THRB: variants seen among roughly 807,000 people sequenced by gnomAD.
THRB encodes the protein nuclear receptor subfamily 1 group A member 2.
In THRB, 12 loss-of-function variants were observed where a neutral mutation model predicts 47.8. The observed-to-expected ratio is 0.25, with a 90% CI of 0.16 to 0.41. The LOEUF is 0.41. Ranked by LOEUF, THRB falls within the 10% of genes least tolerant of loss-of-function variation. THRB has a pLI of 1.00. For synonymous variants in THRB, 218 were observed against 212.2 expected, an observed-to-expected ratio of 1.03 and a Z score of -0.24; for missense variants, 348 against 589.2, an observed-to-expected ratio of 0.59 and a Z score of 4.24.
At chr3:24,328,410 A>T (rs547216873) in intron 2 of THRB, among the ~76,000 whole-genome samples, 32 of 152,328 alleles carry the variant, frequency 2.1e-4, no homozygotes, top group African/African-American at 7.5e-4. Context: ...ACGCCTCCAC[A>T]TAAATGTTCC....
intron 3 of THRB, among the ~76,000 whole-genome samples, chr3:24,279,259 G>A (rs761359487): frequency 1.3e-5 from 2 of 152,084 alleles, no homozygotes; most frequent in East Asian, 1.9e-4. Flanking sequence ...TTGCCTGAGA[G>A]AAAAATAAAA....
In THRB at chr3:24,122,716, A is replaced by C. The variant is rs941296426; in HGVS notation, c.*168T>G. ...AGAACGAAATGCAATAGTTTCAAGT[A>C]CCCGCATTCAAGGGGCAATTTCATC... is the stretch of plus-strand genomic sequence containing the variant. On this transcript the variant is annotated 3_prime_UTR_variant, in exon 11 of 11. Coordinates refer to ENST00000646209, the MANE Select transcript of THRB (RefSeq NM_001354712.2). 2 of 844,454 alleles carry C rather than the reference A, an allele frequency of 2.4e-6. No individual in the cohort carries two copies. Among genetic ancestry groups the C allele is most frequent in the Admixed American group, 2.2e-5 (1 of 45,838 alleles). The allele number at this position is 844,454 out of a possible 1,614,324, so 52.3% of individuals were successfully genotyped here.
chr3:24,236,948 G>T (rs564075934), intron 3 of THRB, among the ~76,000 whole-genome samples: 2 of 152,280 alleles, frequency 1.3e-5, no homozygotes, highest in East Asian at 3.9e-4. Flanking sequence ...GAGGCAAGGT[G>T]TTTTCAAATC....
intron 3 of THRB, among the ~76,000 whole-genome samples, chr3:24,262,894 A>G (rs2052223857): frequency 6.6e-6 from 1 of 152,110 alleles, no homozygotes; most frequent in African/African-American, 2.4e-5. Flanking sequence ...AGAAACTACA[A>G]TGGTGCTGGG....
At chr3:24,291,755 A>G (rs1329476062) in intron 3 of THRB, among the ~76,000 whole-genome samples, 1 of 152,194 alleles carries the variant, frequency 6.6e-6, no homozygotes, top group Non-Finnish European at 1.5e-5. Flanking sequence ...CTTGCAAAAT[A>G]TAACTGGGGC....
rs370969740 is a variant in THRB, at chr3:24,418,914, G to A, written c.-261+75738C>T. Among the ~76,000 whole-genome samples, 4 of 151,830 alleles carry A rather than the reference G, an allele frequency of 2.6e-5. No individual in the cohort carries two copies. In the East Asian group the frequency reaches 7.8e-4, roughly 30 times the overall value. ...GTTCAGTCATCCCACAAATATTTCT[G>A]GAAAGACTACCTTAATCTAGGAATG... is the stretch of plus-strand genomic sequence containing the variant. On this transcript the variant is annotated intron_variant, in intron 1 of 10. Coordinates refer to ENST00000646209, the MANE Select transcript of THRB (RefSeq NM_001354712.2).
In THRB at chr3:24,408,399, T is replaced by C. The variant is rs374975340; in HGVS notation, c.-260-71028A>G. Among the ~76,000 whole-genome samples, 242 of 151,968 alleles carry C rather than the reference T, an allele frequency of 1.6e-3. 7 individuals carry two copies. In the South Asian group the frequency reaches 0.03, roughly 19 times the overall value. ...TCCTGCATCAGAATGAATGAAACAA[T>C]ATTGTACCATTCTGCTGTTGTGATC... On this transcript the variant is annotated intron_variant, in intron 1 of 10. Transcript: ENST00000646209.
intron 3 of THRB, among the ~76,000 whole-genome samples, chr3:24,285,438 G>C (rs1189024203): frequency 3.2e-5 from 4 of 123,790 alleles, no homozygotes; most frequent in African/African-American, 3.1e-5. Context: ...GTTGTGGGGT[G>C]GGGGGAGGGG....
intron 1 of THRB, among the ~76,000 whole-genome samples, chr3:24,414,355 T>C (rs566863559): frequency 7.9e-5 from 12 of 152,022 alleles, no homozygotes; most frequent in African/African-American, 1.9e-4. Flanking sequence ...CCAAAGTTAA[T>C]GGTAAGAACG....
intron 2 of THRB, among the ~76,000 whole-genome samples, chr3:24,332,065 C>T (rs1364839214): frequency 1.3e-5 from 2 of 152,164 alleles, no homozygotes; most frequent in African/African-American, 4.8e-5. Context: ...TACCCAGCCA[C>T]ATTTTCCCAC....
intron 5 of THRB, among the ~76,000 whole-genome samples, chr3:24,161,180 T>G (rs1274501488): frequency 6.6e-6 from 1 of 152,244 alleles, no homozygotes; most frequent in African/African-American, 2.4e-5. Flanking sequence ...TTTTAAAAGT[T>G]GTGGTATTGT....
chr3:24,361,080 C>CA (rs1229568809), intron 1 of THRB, among the ~76,000 whole-genome samples: 2 of 152,126 alleles, frequency 1.3e-5, no homozygotes, highest in African/African-American at 4.8e-5. Context: ...CCTTAAAACC[C>CA]AGATTTTTAT....
intron 2 of THRB, among the ~76,000 whole-genome samples, chr3:24,326,253 C>T (rs752673277): frequency 3.3e-5 from 5 of 152,056 alleles, no homozygotes; most frequent in Non-Finnish European, 5.9e-5. Context: ...TTTTATTTTT[C>T]GAGATGAAGT....
At chr3:24,199,259 C>T (rs1314856131) in intron 4 of THRB, among the ~76,000 whole-genome samples, 2 of 152,140 alleles carry the variant, frequency 1.3e-5, no homozygotes, top group South Asian at 2.1e-4. Flanking sequence ...AACTTTTGTC[C>T]GGTTACATAA....
At chr3:24,481,094 T>C (rs1696283102) in intron 1 of THRB, among the ~76,000 whole-genome samples, 2 of 152,248 alleles carry the variant, frequency 1.3e-5, no homozygotes, top group Admixed American at 1.3e-4. Context: ...TTACAAATCA[T>C]CAGATTGTGG....
At chr3:24,342,387 A>T (rs1017012499) in intron 1 of THRB, among the ~76,000 whole-genome samples, 1 of 152,162 alleles carries the variant, frequency 6.6e-6, no homozygotes, top group Non-Finnish European at 1.5e-5. Flanking sequence ...TAAGCTATCG[A>T]GATGAGAATG....
In THRB at chr3:24,434,488, T is replaced by C. The variant is rs533623644; in HGVS notation, c.-261+60164A>G. Among the ~76,000 whole-genome samples the C allele has an allele frequency of 1.1e-3, 171 of 152,322 alleles. 2 individuals are homozygous for C. The highest frequency in any genetic ancestry group is 4.0e-3 in the African/African-American group (166 of 41,582). ...AAGTAATGTTGAGCACAAGCTCTCT[T>C]TCATATCTCCACTTTCTCCAACTCA... is the stretch of plus-strand genomic sequence containing the variant. On this transcript the variant is annotated intron_variant, in intron 1 of 10. Coordinates refer to ENST00000646209, the MANE Select transcript of THRB (RefSeq NM_001354712.2).
intron 4 of THRB, among the ~76,000 whole-genome samples, chr3:24,202,849 C>T (rs910960970): frequency 2.6e-5 from 4 of 152,174 alleles, no homozygotes; most frequent in African/African-American, 9.7e-5. Context: ...TTTCATAACA[C>T]CTTTGCTATC....
At chr3:24,322,096 CAAGAGAAATT>C (rs1416580293) in intron 2 of THRB, among the ~76,000 whole-genome samples, 1 of 150,756 alleles carries the variant, frequency 6.6e-6, no homozygotes, top group Non-Finnish European at 1.5e-5. Context: ...CTCTGAAGTC[CAAGAGAAATT>C]AGAATTATGA....
Sources: allele counts gnomAD v4.1 joint callset (sites outside exome capture counted in the v4.1 genomes callset), GRCh38; gene constraint gnomAD v4.1.1; transcripts MANE v1.5; gene names NCBI Gene and HGNC (gene_info 2026-07-23, HGNC 2026-07-21).